The following FGGY variants were observed in gnomAD, a reference collection of about 807,000 sequenced individuals.
FGGY encodes the protein FGGY carbohydrate kinase domain containing.
A neutral mutation model predicts 71.3 loss-of-function variants in FGGY; 72 were observed. The observed-to-expected ratio is 1.01, with a 90% confidence interval of 0.84 to 1.23. The LOEUF (loss-of-function observed/expected upper bound fraction) is 1.23. Ranked by LOEUF, FGGY falls within the 50% of genes most tolerant of loss-of-function variation. FGGY has a pLI of 0.00. For missense variants in FGGY, 668 were observed against 682.3 expected (o/e 0.98, Z 0.23); for synonymous variants, 251 against 250.3 (o/e 1.00, Z -0.02).
intron 5 of FGGY, among the ~76,000 whole-genome samples, chr1:59,424,845 G>A (rs1466148676): frequency 6.6e-6 from 1 of 152,186 alleles, no homozygotes. Flanking sequence ...TGGTCAAGGA[G>A]GGCTTCACAC....
chr1:59,638,135 C>G, intron 10 of FGGY, 93 bp from the exon 11 acceptor site: 14 of 1,308,208 alleles, frequency 1.1e-5, no homozygotes, highest in Non-Finnish European at 1.5e-5. Flanking sequence ...GCTTACTTTC[C>G]TGGATCTGGA....
chr1:59,584,349 G>A (rs1242008445), intron 8 of FGGY, among the ~76,000 whole-genome samples: 1 of 150,032 alleles, frequency 6.7e-6, no homozygotes, highest in Non-Finnish European at 1.5e-5. Context: ...TCCCTGGGAT[G>A]CAAGGCTTGT....
chr1:59,481,155 A>G (rs1046141701), intron 6 of FGGY, among the ~76,000 whole-genome samples: 11 of 152,242 alleles, frequency 7.2e-5, no homozygotes, highest in Non-Finnish European at 5.9e-5. Context: ...TGCATTAGGC[A>G]TCAGGGAACT....
intron 7 of FGGY, among the ~76,000 whole-genome samples, chr1:59,533,585 T>A (rs1387530045): frequency 6.6e-6 from 1 of 152,198 alleles, no homozygotes; most frequent in Non-Finnish European, 1.5e-5. Context: ...CTCTGCAGAC[T>A]TAAATGTCCC....
chr1:59,521,465 TC>T (rs1232507631), intron 7 of FGGY, among the ~76,000 whole-genome samples: 2 of 152,150 alleles, frequency 1.3e-5, no homozygotes, highest in Non-Finnish European at 2.9e-5. Flanking sequence ...TATTGCCAGC[TC>T]CCCATGTGTC....
At chr1:59,438,493 A>G (rs1305200170) in intron 5 of FGGY, among the ~76,000 whole-genome samples, 1 of 152,212 alleles carries the variant, frequency 6.6e-6, no homozygotes. Context: ...TGCTTTGGAA[A>G]AAATTTTCAG....
intron 5 of FGGY, among the ~76,000 whole-genome samples, chr1:59,433,216 G>A (rs2067742278): frequency 6.6e-6 from 1 of 152,130 alleles, no homozygotes; most frequent in Admixed American, 6.5e-5. Flanking sequence ...CTACCCACTA[G>A]TTGCCAGTAG....
At chr1:59,411,276 G>T (rs2063562215) in intron 5 of FGGY, among the ~76,000 whole-genome samples, 1 of 152,188 alleles carries the variant, frequency 6.6e-6, no homozygotes, top group South Asian at 2.1e-4. Context: ...TTCAAATTAT[G>T]TGTTTTTGGC....
chr1:59,447,896 T>G (rs143351893), intron 5 of FGGY, among the ~76,000 whole-genome samples: 47 of 152,242 alleles, frequency 3.1e-4, no homozygotes, highest in African/African-American at 1.0e-3. Flanking sequence ...TTTTCTTCCG[T>G]AGTGTGGGAG....
chr1:59,498,237 T>G (rs12030214), intron 6 of FGGY, among the ~76,000 whole-genome samples: 77,429 of 151,722 alleles, frequency 0.51, 20,354 homozygotes, highest in African/African-American at 0.64. Context: ...TGAGGAGAAG[T>G]AGGCTGGCGA....
chr1:59,540,828 A>C (rs1213629961), intron 7 of FGGY, among the ~76,000 whole-genome samples: 1 of 152,194 alleles, frequency 6.6e-6, no homozygotes. Flanking sequence ...GTTTGTTAGA[A>C]GTGAAGTCAG....
intron 14 of FGGY, among the ~76,000 whole-genome samples, chr1:59,714,272 A>G (rs1358922788): frequency 1.3e-5 from 2 of 152,194 alleles, no homozygotes; most frequent in African/African-American, 4.8e-5. Flanking sequence ...GCAGGAAGCC[A>G]TGGTGACCAG....
intron 7 of FGGY, among the ~76,000 whole-genome samples, chr1:59,538,938 A>T (rs184022647): frequency 6.6e-6 from 1 of 152,064 alleles, no homozygotes; most frequent in East Asian, 1.9e-4. Context: ...TGGCACGTAT[A>T]TGCATATGTA....
intron 5 of FGGY, among the ~76,000 whole-genome samples, chr1:59,421,857 G>A (rs1266392503): frequency 6.6e-5 from 10 of 152,096 alleles, no homozygotes; most frequent in Non-Finnish European, 1.5e-4. Context: ...TTTTAAAAAC[G>A]TTGCCATGAT....
chr1:59,419,974 T>C (rs2065133111), intron 5 of FGGY, among the ~76,000 whole-genome samples: 1 of 152,232 alleles, frequency 6.6e-6, no homozygotes, highest in Admixed American at 6.5e-5. Context: ...CAGAATCTTC[T>C]GAAGTTTAAT....
chr1:59,605,178 C>A (rs1367098792), intron 8 of FGGY, among the ~76,000 whole-genome samples: 1 of 152,172 alleles, frequency 6.6e-6, no homozygotes, highest in Admixed American at 6.5e-5. Context: ...AGGTACCTCC[C>A]TTGTGTGCTC....
At chr1:59,501,356 A>G (rs180836807) in intron 6 of FGGY, among the ~76,000 whole-genome samples, 7 of 152,322 alleles carry the variant, frequency 4.6e-5, no homozygotes, top group African/African-American at 1.7e-4. Context: ...TAAATGAGAC[A>G]GGATAAAAAA....
intron 8 of FGGY, among the ~76,000 whole-genome samples, chr1:59,573,498 A>G (rs1386057796): frequency 3.9e-5 from 6 of 152,110 alleles, no homozygotes; most frequent in Non-Finnish European, 5.9e-5. Flanking sequence ...TCATATATAT[A>G]TGTTTATGAA....
At chr1:59,497,898 C>A (rs541628253) in intron 6 of FGGY, among the ~76,000 whole-genome samples, 1 of 138,806 alleles carries the variant, frequency 7.2e-6, no homozygotes, top group African/African-American at 2.8e-5. Flanking sequence ...TTTTTCCGTA[C>A]GCAGTCTTCC....
Sources: allele counts gnomAD v4.1 joint callset (sites outside exome capture counted in the v4.1 genomes callset), GRCh38; gene constraint gnomAD v4.1.1; transcripts MANE v1.5; gene names NCBI Gene and HGNC (gene_info 2026-07-23, HGNC 2026-07-21).